CELF4: variants seen among roughly 807,000 people sequenced by gnomAD.
CELF4 encodes CUG-BP- and ETR-3-like factor 4.
CELF4 carries 18 observed loss-of-function variants against 59.9 expected under a neutral mutation model. That is an observed-to-expected ratio of 0.30 (90% CI 0.21 to 0.45). CELF4 has a LOEUF of 0.45. CELF4 is among the 20% of genes least tolerant of loss of function. CELF4 has a pLI of 1.00. For missense variants in CELF4, 456 were observed against 689.0 expected (o/e 0.66, Z 3.79); for synonymous variants, 261 against 267.1 (o/e 0.98, Z 0.22).
In CELF4 at chr18:37,348,055, C is replaced by T. The variant is rs1292344641; in HGVS notation, c.370-26174G>A. On this transcript the variant is annotated intron_variant, in intron 2 of 12. Transcript: ENST00000420428. ...GGTCAGCAACTGACCCTCCTCCAGG[C>T]CGGGCCTCTGGTCTCCTGCCCGCCT... Among the ~76,000 whole-genome samples, 9 of 152,298 alleles carry T rather than the reference C, an allele frequency of 5.9e-5. No homozygotes were observed. The East Asian group carries it at 1.2e-3, about 20-fold the overall frequency.
chr18:37,303,523 A>G lies in CELF4; in HGVS notation c.448+18280T>C, dbSNP rs142068598. On this transcript the variant is annotated intron_variant, in intron 3 of 12. Transcript: ENST00000420428. ...AAGGCAGTCCCCACAGTAATATCAG[A>G]CCAAATGAGAATCGGGGAGAGCTTG... is the stretch of plus-strand genomic sequence containing the variant. Among the ~76,000 whole-genome samples, 750 of 152,328 alleles carry G rather than the reference A, an allele frequency of 4.9e-3. 7 individuals are homozygous for G. Among genetic ancestry groups the G allele is most frequent in the African/African-American group, 0.017 (699 of 41,574 alleles).
intron 1 of CELF4, among the ~76,000 whole-genome samples, chr18:37,547,427 G>A (rs1347069995): frequency 6.6e-6 from 1 of 152,172 alleles, no homozygotes; most frequent in African/African-American, 2.4e-5. Flanking sequence ...ACCCCCTGGA[G>A]GCTGCCTCTT....
intron 2 of CELF4, among the ~76,000 whole-genome samples, chr18:37,351,588 T>A (rs551072438): frequency 1.4e-4 from 21 of 149,284 alleles, no homozygotes; most frequent in African/African-American, 4.9e-4. Flanking sequence ...AGCTTTCTTT[T>A]TTCTTTTCTT....
intron 7 of CELF4, among the ~76,000 whole-genome samples, chr18:37,272,210 A>G (rs931672501): frequency 1.3e-5 from 2 of 152,166 alleles, no homozygotes; most frequent in African/African-American, 4.8e-5. Flanking sequence ...GCGTTTCTCA[A>G]CTTTGACACT....
chr18:37,445,659 A>G (rs933249331), intron 2 of CELF4, among the ~76,000 whole-genome samples: 1 of 152,064 alleles, frequency 6.6e-6, no homozygotes, highest in African/African-American at 2.4e-5. Flanking sequence ...GCAGAGGCCC[A>G]GGGAGGGGCA....
At position 37,244,162 on chromosome 18, in the gene CELF4, AT is replaced by A. The variant is rs58947703; in HGVS notation, c.*1079del. The stretch of plus-strand genomic sequence containing the variant: ...CTATAGGTTTTTTTTTTCCTTTTTT[AT>A]TTTTTTTTTTTATTTTTTGCTTTCC... On this transcript the variant is annotated 3_prime_UTR_variant, in exon 13 of 13. Transcript: ENST00000420428. 3.5e-3 allele frequency: 505 copies of A among 144,756 alleles called. 4 individuals are homozygous for A. The highest frequency in any genetic ancestry group is 0.011 in the African/African-American group (426 of 39,144). The allele number at this position is 144,756 out of a possible 1,614,324, so 9.0% of individuals were successfully genotyped here.
chr18:37,518,226 C>T (rs939115056), intron 1 of CELF4, among the ~76,000 whole-genome samples: 5 of 152,088 alleles, frequency 3.3e-5, no homozygotes, highest in African/African-American at 4.8e-5. Flanking sequence ...GGCTGGTGGG[C>T]GGGCAAGCGT....
At chr18:37,265,157 T>C (rs550098147) in intron 9 of CELF4, among the ~76,000 whole-genome samples, 2 of 151,102 alleles carry the variant, frequency 1.3e-5, no homozygotes, top group African/African-American at 2.4e-5. Flanking sequence ...TGTGGGTGTA[T>C]GTGTGTGCGT....
chr18:37,509,367 G>A (rs1159695889), intron 1 of CELF4, among the ~76,000 whole-genome samples: 3 of 152,262 alleles, frequency 2.0e-5, no homozygotes, highest in African/African-American at 7.2e-5. Context: ...AGCCATGTGT[G>A]TGTGGTGAAA....
intron 1 of CELF4, among the ~76,000 whole-genome samples, chr18:37,494,952 G>C (rs185902564): frequency 1.3e-5 from 2 of 152,342 alleles, no homozygotes; most frequent in East Asian, 3.9e-4. Context: ...GGTGGTGCCT[G>C]TCCTTCCTCT....
chr18:37,404,221 A>AT (rs1391737776), intron 2 of CELF4, among the ~76,000 whole-genome samples: 1 of 152,168 alleles, frequency 6.6e-6, no homozygotes, highest in Non-Finnish European at 1.5e-5. Context: ...CCTCGAGCAC[A>AT]TCCCCCAACC....
At chr18:37,565,173 G>A (rs546781005) in intron 1 of CELF4, among the ~76,000 whole-genome samples, 183 bp downstream of exon 1, 2 of 152,154 alleles carry the variant, frequency 1.3e-5, no homozygotes, top group East Asian at 3.9e-4. Flanking sequence ...ACCCAGTCTT[G>A]CCCCAGCGAA....
chr18:37,526,832 G>A (rs565744242), intron 1 of CELF4, among the ~76,000 whole-genome samples: 69 of 151,662 alleles, frequency 4.5e-4, no homozygotes, highest in African/African-American at 1.4e-3. Flanking sequence ...TCTGCCCTTC[G>A]TGGGCTGTGG....
At chr18:37,316,815 C>T (rs891691613) in intron 3 of CELF4, among the ~76,000 whole-genome samples, 1 of 152,168 alleles carries the variant, frequency 6.6e-6, no homozygotes, top group African/African-American at 2.4e-5. Context: ...CCCTGCTCCT[C>T]TCACTTCAGC....
chr18:37,415,375 A>G (rs2099519254), intron 2 of CELF4, among the ~76,000 whole-genome samples: 1 of 152,194 alleles, frequency 6.6e-6, no homozygotes, highest in Admixed American at 6.5e-5. Flanking sequence ...CCTCACAATT[A>G]CATCATGACA....
At chr18:37,303,588 C>T (rs1448175945) in intron 3 of CELF4, among the ~76,000 whole-genome samples, 1 of 151,952 alleles carries the variant, frequency 6.6e-6, no homozygotes, top group Non-Finnish European at 1.5e-5. Flanking sequence ...AGAGGTGAGG[C>T]GGGTGGGGAG....
chr18:37,471,091 C>T (rs1569569561), intron 2 of CELF4, among the ~76,000 whole-genome samples: 1 of 152,084 alleles, frequency 6.6e-6, no homozygotes, highest in Non-Finnish European at 1.5e-5. Flanking sequence ...GCAATGCCCT[C>T]ACCAGCTTCA....
At chr18:37,557,400 T>C (rs1037184568) in intron 1 of CELF4, among the ~76,000 whole-genome samples, 1 of 152,190 alleles carries the variant, frequency 6.6e-6, no homozygotes, top group Non-Finnish European at 1.5e-5. Flanking sequence ...ACAATCCCGG[T>C]CCTTGAACAC....
At position 37,517,874 on chromosome 18, in the gene CELF4, G is replaced by A. The variant is rs145217948; in HGVS notation, c.287-32267C>T. On this transcript the variant is annotated intron_variant, in intron 1 of 12. Coordinates refer to ENST00000420428, the MANE Select transcript of CELF4 (RefSeq NM_020180.4). ...TCATTGCACTTACACAGGATTCCCC[G>A]TGGCAGATCACCTGTGTTCCAGAGG... is the stretch of plus-strand genomic sequence containing the variant. 1.1e-3 allele frequency among the ~76,000 whole-genome samples: 170 copies of A among 152,280 alleles called. 1 individual carries two copies. Among genetic ancestry groups the A allele is most frequent in the Non-Finnish European group, 1.4e-3 (96 of 68,002 alleles).
Sources: allele counts gnomAD v4.1 joint callset (sites outside exome capture counted in the v4.1 genomes callset), GRCh38; gene constraint gnomAD v4.1.1; transcripts MANE v1.5; gene names NCBI Gene and HGNC (gene_info 2026-07-23, HGNC 2026-07-21).